ZNF441: variants seen among roughly 807,000 people sequenced by gnomAD.
ZNF441 encodes zinc finger protein 441.
ZNF441 carries 25 observed loss-of-function variants against 64.5 expected under a neutral mutation model. The observed-to-expected ratio is 0.39, with a 90% CI of 0.28 to 0.54. The LOEUF is 0.54. ZNF441 is among the 20% of genes least tolerant of loss of function. ZNF441 has a pLI of 0.70. For missense variants in ZNF441, 715 were observed against 843.3 expected (o/e 0.85, Z 1.88); for synonymous variants, 262 against 268.0 (o/e 0.98, Z 0.22).
chr19:11,778,440 AG>A, intron 3 of ZNF441, 47 bp downstream of exon 3: 1 of 1,356,378 alleles, frequency 7.4e-7, no homozygotes. Context: ...AGTGATTCAT[AG>A]TATGCCAGAA....
At chr19:11,771,826 A>G (rs1201334582) in intron 1 of ZNF441, among the ~76,000 whole-genome samples, 1 of 152,194 alleles carries the variant, frequency 6.6e-6, no homozygotes, top group Non-Finnish European at 1.5e-5. Flanking sequence ...CGGGAAAGGG[A>G]GTCTCCTTTT....
intron 1 of ZNF441, among the ~76,000 whole-genome samples, chr19:11,775,843 G>A (rs555763106): frequency 2.0e-5 from 3 of 150,474 alleles, no homozygotes; most frequent in African/African-American, 7.4e-5. Context: ...GACCAGGCTG[G>A]TCTCAAACTC....
At chr19:11,776,886 G>A (rs146578386) in intron 1 of ZNF441, among the ~76,000 whole-genome samples, 2 of 151,480 alleles carry the variant, frequency 1.3e-5, no homozygotes, top group East Asian at 1.9e-4. Context: ...TCGGCTCACC[G>A]CAACCTTCGC....
In ZNF441 at chr19:11,781,347, G is replaced by A; in HGVS notation, c.1523G>A (p.Cys508Tyr). 1.9e-6 allele frequency: 3 copies of A among 1,613,860 alleles called. No homozygotes were observed. The highest frequency in any genetic ancestry group is 1.1e-5 in the South Asian group (1 of 91,074). ...GATGGACCTCATAAATGTAAGATATGTGGGAAAAGCTTTGATTCTCCCAGT... is the reference window on the plus strand; with the variant it reads ...GATGGACCTCATAAATGTAAGATATATGGGAAAAGCTTTGATTCTCCCAGT... ...TGDGPHKCKI[C>Y]GKSFDSPSSF... Residue 508 changes from cysteine to tyrosine, a missense_variant, in exon 4 of 4, where the codon TGT becomes TAT. Physicochemically the swap from Cys to Tyr is radical, Grantham distance 194. Around this residue, in one of 2 missense-constraint regions of ZNF441, gnomAD observed 316 missense variants for 429.3 expected, o/e 0.74. Transcript: ENST00000357901.
chr19:11,782,008 A>G lies in ZNF441; in HGVS notation c.*102A>G. 1.0e-6 allele frequency: 1 copy of G among 982,988 alleles called. No individual in the cohort carries two copies. The highest frequency in any genetic ancestry group is 1.4e-6 in the Non-Finnish European group (1 of 710,382). 60.9% of individuals were successfully genotyped at this position (982,988 alleles called of 1,614,324 possible). ...ACACTGAAAAAAGTTGTATGAATATAAAAATGTACTAAAACCTTCCATTTT... is the reference window on the plus strand; with the variant it reads ...ACACTGAAAAAAGTTGTATGAATATGAAAATGTACTAAAACCTTCCATTTT... On this transcript the variant is annotated 3_prime_UTR_variant, in exon 4 of 4. Coordinates refer to ENST00000357901, the MANE Select transcript of ZNF441 (RefSeq NM_152355.3).
chr19:11,779,404 G>A (rs1227004986), intron 3 of ZNF441, among the ~76,000 whole-genome samples: 1 of 151,808 alleles, frequency 6.6e-6, no homozygotes, highest in Non-Finnish European at 1.5e-5. Context: ...AAGAGGTCAA[G>A]GTGGGCAGAT....
Position 11,780,073 on chromosome 19 carries a change from A to G in ZNF441, c.249A>G (p.Gly83=), listed in dbSNP as rs1269264869. 2 of 1,614,088 alleles carry G rather than the reference A, an allele frequency of 1.2e-6. No homozygotes were observed. The change falls in exon 4 of 4, where the codon GGA becomes GGG. Residue 83 remains glycine (G), a synonymous_variant. Transcript: ENST00000357901. ...TTAAAGATAATAGTCAATGTGGAGG[A>G]CCCTTTACCCAGACTCAAGACAGTA... ...CEIKDNSQCG[G]PFTQTQDSIV...
Position 11,771,829 on chromosome 19 carries a change from C to A in ZNF441, c.3+4633C>A, listed in dbSNP as rs1368395590. Among the ~76,000 whole-genome samples, 4 of 152,224 alleles carry A rather than the reference C, an allele frequency of 2.6e-5. No homozygotes were observed. The East Asian group carries it at 7.7e-4, about 29-fold the overall frequency. ...TACTTAGCAGACCGGGAAAGGGAGT[C>A]TCCTTTTCCCCGGGGGAGTTTAGAG... On this transcript the variant is annotated intron_variant, in intron 1 of 3. Coordinates refer to ENST00000357901, the MANE Select transcript of ZNF441 (RefSeq NM_152355.3).
chr19:11,776,206 C>G (rs770916900), intron 1 of ZNF441, among the ~76,000 whole-genome samples: 7 of 152,152 alleles, frequency 4.6e-5, no homozygotes, highest in Non-Finnish European at 1.0e-4. Flanking sequence ...CTGATCTGCT[C>G]TCTCTAGGGA....
In ZNF441 at chr19:11,780,962, CGAA is replaced by C; in HGVS notation, c.1140_1142del (p.Arg381del). 6.2e-7 allele frequency: 1 copy of C among 1,613,180 alleles called. No individual in the cohort carries two copies. Among genetic ancestry groups the C allele is most frequent in the Non-Finnish European group, 8.5e-7 (1 of 1,179,840 alleles). ...AGCCTTTGATTCTCCCAGTTTATGT[CGAA>C]GGCATGAAACAACTCATACTGGGGA... On this transcript the variant is annotated inframe_deletion, in exon 4 of 4. Transcript: ENST00000357901.
Position 11,779,179 on chromosome 19 carries a change from C to A in ZNF441, c.194+786C>A, listed in dbSNP as rs375958298. On this transcript the variant is annotated intron_variant, in intron 3 of 3. Coordinates refer to ENST00000357901, the MANE Select transcript of ZNF441 (RefSeq NM_152355.3). ...ACAAAAAATACAAAAATTAGCTAGG[C>A]ATGGTGGCCTGTGCTTGTGGTTTCA... 5.3e-5 allele frequency among the ~76,000 whole-genome samples: 8 copies of A among 151,774 alleles called. No homozygotes were observed. In the East Asian group the frequency reaches 1.6e-3, roughly 29 times the overall value.
rs1568478840 is a variant in ZNF441, at chr19:11,767,496, TCA to T, written c.3+302_3+303del. Among the ~76,000 whole-genome samples the T allele has an allele frequency of 1.3e-5, 2 of 151,900 alleles. No homozygotes were observed. The highest frequency in any genetic ancestry group is 2.4e-5 in the African/African-American group (1 of 41,330). On this transcript the variant is annotated intron_variant, in intron 1 of 3. Transcript: ENST00000357901. The surrounding 1 kb of genome is among the most constrained non-coding windows in gnomAD (Gnocchi z 5.1). Reference sequence around the variant, plus strand: ...AACCGGCACAGGTTCGCGGCCCGAGTCACTGCACCGAGACGCCGAGGGCTGCA... The same window carrying T: ...AACCGGCACAGGTTCGCGGCCCGAGTCTGCACCGAGACGCCGAGGGCTGCA...
intron 1 of ZNF441, among the ~76,000 whole-genome samples, chr19:11,769,354 CA>C (rs759459303): frequency 1.3e-5 from 2 of 152,204 alleles, no homozygotes; most frequent in Non-Finnish European, 2.9e-5. Context: ...AAGTGTCCCT[CA>C]TTTGTATCAC....
intron 1 of ZNF441, among the ~76,000 whole-genome samples, chr19:11,772,474 C>G (rs565302423): frequency 6.6e-6 from 1 of 152,300 alleles, no homozygotes; most frequent in African/African-American, 2.4e-5. Context: ...TAGCTGCTAG[C>G]ATTCAGGAAA....
At position 11,778,355 on chromosome 19, in the gene ZNF441, A is replaced by T. The variant is rs1975370637; in HGVS notation, c.156A>T (p.Ile52=). 2.6e-6 allele frequency: 4 copies of T among 1,546,502 alleles called. No homozygotes were observed. Among genetic ancestry groups the T allele is most frequent in the Non-Finnish European group, 3.5e-6 (4 of 1,145,020 alleles). The change falls in exon 3 of 4, where the codon ATA becomes ATT. Residue 52 remains isoleucine, a synonymous_variant. Coordinates refer to ENST00000357901, the MANE Select transcript of ZNF441 (RefSeq NM_152355.3). The part of the protein sequence containing the change: ...CIGMIWQNHD[I]EEDQYKDLRR... Reference sequence around the variant, plus strand: ...GAATGATATGGCAAAATCATGATATAGAAGAAGATCAGTACAAAGATCTCA... The same window carrying T: ...GAATGATATGGCAAAATCATGATATTGAAGAAGATCAGTACAAAGATCTCA...
chr19:11,769,509 G>T (rs1180641458), intron 1 of ZNF441, among the ~76,000 whole-genome samples: 1 of 152,120 alleles, frequency 6.6e-6, no homozygotes, highest in East Asian at 1.9e-4. Context: ...TCAAAGCCTT[G>T]ATGTGTGGTA....
Position 11,781,363 on chromosome 19 carries a change from T to C in ZNF441, c.1539T>C (p.Asp513=). 6.2e-7 allele frequency: 1 copy of C among 1,613,822 alleles called. No homozygotes were observed. The highest frequency in any genetic ancestry group is 8.5e-7 in the Non-Finnish European group (1 of 1,179,950). Residue 513 remains aspartate (D), a synonymous_variant, in exon 4 of 4, where the codon GAT becomes GAC. Transcript: ENST00000357901. ...GTAAGATATGTGGGAAAAGCTTTGA[T>C]TCTCCCAGTTCATTTCGAAGACATG... is the stretch of plus-strand genomic sequence containing the variant. The part of the protein sequence containing the change: ...HKCKICGKSF[D]SPSSFRRHER...
intron 1 of ZNF441, among the ~76,000 whole-genome samples, chr19:11,777,079 G>T (rs1368248192): frequency 2.0e-5 from 3 of 152,098 alleles, no homozygotes; most frequent in Non-Finnish European, 4.4e-5. Flanking sequence ...CAAAGTGCTG[G>T]GATTACAGGT....
At chr19:11,774,669 T>G (rs1238028418) in intron 1 of ZNF441, among the ~76,000 whole-genome samples, 2 of 152,224 alleles carry the variant, frequency 1.3e-5, no homozygotes, top group Non-Finnish European at 2.9e-5. Flanking sequence ...TGGTTTTCTT[T>G]TAGTTCTTTG....
Sources: gnomAD v4.1 joint callset for allele counts (sites outside exome capture counted in the v4.1 genomes callset) on GRCh38, gnomAD v4.1.1 for gene constraint, gnomAD v4.1.1 regional missense constraint, Gnocchi (gnomAD v3.1) non-coding constraint, MANE v1.5 for transcripts, NCBI Gene and HGNC (gene_info 2026-07-23, HGNC 2026-07-21) for gene names.